IL6R: variants seen among roughly 807,000 people sequenced by gnomAD.
IL6R encodes the protein interleukin-6 receptor subunit alpha.
Under a neutral mutation model 48.3 loss-of-function variants are expected in IL6R, and 38 were observed. That is an observed-to-expected ratio of 0.79 (90% CI 0.61 to 1.03). The LOEUF (loss-of-function observed/expected upper bound fraction) is 1.03. Among genes scored for constraint, IL6R ranks in the 50% least tolerant of loss-of-function variants. The pLI, the probability that IL6R is intolerant of heterozygous loss-of-function variation, is 0.00. For synonymous variants in IL6R, 264 were observed against 256.2 expected, an observed-to-expected ratio of 1.03 and a Z score of -0.29; for missense variants, 534 against 618.3, an observed-to-expected ratio of 0.86 and a Z score of 1.45.
chr1:154,418,900 C>A (rs1688502184), intron 1 of IL6R, among the ~76,000 whole-genome samples: 1 of 152,112 alleles, frequency 6.6e-6, no homozygotes, highest in Non-Finnish European at 1.5e-5. Context: ...CTTGTGCACA[C>A]CCCTCAAGCC....
intron 9 of IL6R, among the ~76,000 whole-genome samples, chr1:154,464,118 C>T (rs12083112): frequency 0.031 from 4,777 of 151,988 alleles, 260 homozygotes; most frequent in African/African-American, 0.11. Context: ...TCTTTCCCTA[C>T]TAAAAGAATG....
chr1:154,458,396 G>A (rs1691044306), intron 9 of IL6R, among the ~76,000 whole-genome samples: 1 of 151,852 alleles, frequency 6.6e-6, no homozygotes, highest in Non-Finnish European at 1.5e-5. Flanking sequence ...GGCCAGTGAG[G>A]GGCCATGTCA....
At chr1:154,415,097 G>A in intron 1 of IL6R, 1 of 1,235,178 alleles carries the variant, frequency 8.1e-7, no homozygotes. Flanking sequence ...TAAGATTGGG[G>A]CTTTTACGGT....
chr1:154,437,552 C>A, intron 6 of IL6R: 1 of 413,386 alleles, frequency 2.4e-6, no homozygotes, highest in Admixed American at 2.8e-5. Flanking sequence ...TAGCTGGGAC[C>A]ACAGGCGTGT....
Position 154,436,123 on chromosome 1 carries a change from G to A in IL6R, c.949+13G>A. The A allele has an allele frequency of 6.3e-7, 1 of 1,586,418 alleles. No homozygotes were observed. Among genetic ancestry groups the A allele is most frequent in the Non-Finnish European group, 8.6e-7 (1 of 1,160,252 alleles). ...ACGCCTTGGACAGGTACTGCGGTGGGCACTGAGAAAGGAAGGGATGTTTCA... is the reference window on the plus strand; with the variant it reads ...ACGCCTTGGACAGGTACTGCGGTGGACACTGAGAAAGGAAGGGATGTTTCA... On this transcript the variant is annotated intron_variant, in intron 6 of 9. Coordinates refer to ENST00000368485, the MANE Select transcript of IL6R (RefSeq NM_000565.4).
intron 1 of IL6R, chr1:154,414,600 G>C (rs146668761): frequency 6.6e-6 from 5 of 761,990 alleles, no homozygotes; most frequent in Non-Finnish European, 1.2e-5. Context: ...TGATGCACCC[G>C]GCCATCTCAT....
intron 1 of IL6R, among the ~76,000 whole-genome samples, chr1:154,417,089 C>A (rs1403935704): frequency 1.3e-5 from 2 of 152,172 alleles, no homozygotes; most frequent in African/African-American, 4.8e-5. Flanking sequence ...CCCTCCCTCT[C>A]CCTGCCCTCC....
chr1:154,421,635 T>G (rs189287182), intron 1 of IL6R, among the ~76,000 whole-genome samples: 1 of 152,324 alleles, frequency 6.6e-6, no homozygotes, highest in African/African-American at 2.4e-5. Flanking sequence ...TTTTTGTTTT[T>G]TTGAGACACA....
chr1:154,457,322 CAAAAAAAA>C (rs60033332), intron 9 of IL6R, among the ~76,000 whole-genome samples: 2 of 78,128 alleles, frequency 2.6e-5, no homozygotes, highest in South Asian at 4.8e-4. Flanking sequence ...GACTCCGTCT[CAAAAAAAA>C]AAAAAAAAAA....
chr1:154,458,142 A>G (rs1369973695), intron 9 of IL6R, among the ~76,000 whole-genome samples: 1 of 148,316 alleles, frequency 6.7e-6, no homozygotes, highest in Non-Finnish European at 1.5e-5. Context: ...AATTTTTTGT[A>G]TTTTTTTTTA....
At chr1:154,427,515 G>A (rs1312382851) in intron 1 of IL6R, among the ~76,000 whole-genome samples, 4 of 152,302 alleles carry the variant, frequency 2.6e-5, no homozygotes, top group Non-Finnish European at 4.4e-5. Context: ...TTAGATGACC[G>A]GCTGCCATGA....
At chr1:154,433,454 A>G (rs368996644) in intron 3 of IL6R, among the ~76,000 whole-genome samples, 35 of 152,258 alleles carry the variant, frequency 2.3e-4, no homozygotes, top group African/African-American at 5.1e-4. Flanking sequence ...CTGGAGTGGC[A>G]TTTCTGCTGG....
At chr1:154,442,655 C>T (rs1229755928) in intron 6 of IL6R, among the ~76,000 whole-genome samples, 2 of 152,352 alleles carry the variant, frequency 1.3e-5, no homozygotes, top group East Asian at 3.9e-4. Context: ...TGTCTTAGCC[C>T]TGCTTTGGCC....
At chr1:154,419,839 A>T (rs983150529) in intron 1 of IL6R, among the ~76,000 whole-genome samples, 1 of 152,072 alleles carries the variant, frequency 6.6e-6, no homozygotes, top group Non-Finnish European at 1.5e-5. Context: ...GAAGAGGGGG[A>T]AAAAGTAGAA....
chr1:154,455,883 C>G (rs937805664), intron 9 of IL6R, among the ~76,000 whole-genome samples: 1 of 151,892 alleles, frequency 6.6e-6, no homozygotes, highest in Non-Finnish European at 1.5e-5. Context: ...ATGATAAAAC[C>G]CTGTCTCTAC....
chr1:154,445,341 C>T (rs762546588), intron 6 of IL6R, among the ~76,000 whole-genome samples: 4 of 152,136 alleles, frequency 2.6e-5, no homozygotes, highest in South Asian at 2.1e-4. Flanking sequence ...AAACCTGAGC[C>T]GCCAGAGGTT....
chr1:154,409,492 A>G lies in IL6R; in HGVS notation c.85+3778A>G, dbSNP rs541821808. On this transcript the variant is annotated intron_variant, in intron 1 of 9. Coordinates refer to ENST00000368485, the MANE Select transcript of IL6R (RefSeq NM_000565.4). ...TTGGGCAAGTGATTTAACTTCTTTGACAGCCAGTGTTCTAGAAAATAGAAA... is the reference window on the plus strand; with the variant it reads ...TTGGGCAAGTGATTTAACTTCTTTGGCAGCCAGTGTTCTAGAAAATAGAAA... Among the ~76,000 whole-genome samples, 270 of 152,292 alleles carry G rather than the reference A, an allele frequency of 1.8e-3. 1 individual carries two copies. Among genetic ancestry groups the G allele is most frequent in the African/African-American group, 6.3e-3 (262 of 41,558 alleles).
At chr1:154,454,610 TG>T (rs1265054092) in intron 9 of IL6R, 29 bp downstream of exon 9, 1 of 1,438,346 alleles carries the variant, frequency 7.0e-7, no homozygotes, top group Admixed American at 1.7e-5. Flanking sequence ...GATGGCCCTG[TG>T]GTGTTCTCAT....
intron 9 of IL6R, among the ~76,000 whole-genome samples, chr1:154,464,768 G>A (rs1691459292): frequency 6.6e-6 from 1 of 151,982 alleles, no homozygotes; most frequent in African/African-American, 2.4e-5. Context: ...AGACCAGCCT[G>A]AGCAACATGG....
Sources: allele counts gnomAD v4.1 joint callset (sites outside exome capture counted in the v4.1 genomes callset), GRCh38; gene constraint gnomAD v4.1.1; transcripts MANE v1.5; gene names NCBI Gene and HGNC (gene_info 2026-07-23, HGNC 2026-07-21).